Variants in RIN2 observed in about 807,000 individuals in gnomAD.
RIN2 encodes RAB5 interacting protein 2.
RIN2 carries 36 observed loss-of-function variants against 78.0 expected under a neutral mutation model. That is an observed-to-expected ratio of 0.46 (90% CI 0.35 to 0.61). RIN2 has a LOEUF of 0.61. RIN2 is among the 20% of genes least tolerant of loss of function. The probability of loss-of-function intolerance (pLI) is 0.00; values close to 1 mark genes in which losing one functional copy is unlikely to be tolerated. For synonymous variants in RIN2, 466 were observed against 466.8 expected (o/e 1.00, Z 0.02); for missense variants, 1,087 against 1,159.7 (o/e 0.94, Z 0.91).
At position 19,990,134 on chromosome 20, in the gene RIN2, G is replaced by A; in HGVS notation, c.1891G>A (p.Val631Met). 6.2e-7 allele frequency: 1 copy of A among 1,602,408 alleles called. No homozygotes were observed. The highest frequency in any genetic ancestry group is 8.5e-7 in the Non-Finnish European group (1 of 1,174,550). ...GCAACTCAAGGAGAACCTGCAGCTTGTGCGGCAGAGGAATCCGCAGGAGCT... is the reference window on the plus strand; with the variant it reads ...GCAACTCAAGGAGAACCTGCAGCTTATGCGGCAGAGGAATCCGCAGGAGCT... ...WKQLKENLQLVRQRNPQELGV... is the reference protein window; with the variant it reads ...WKQLKENLQLMRQRNPQELGV... Residue 631 changes from valine (V) to methionine (M), a missense_variant, in exon 10 of 13, where the codon GTG becomes ATG. Around this residue, in one of 8 missense-constraint regions of RIN2, gnomAD observed 97 missense variants for 104.8 expected, o/e 0.93. Coordinates refer to ENST00000255006, the MANE Select transcript of RIN2 (RefSeq NM_018993.4).
chr20:19,936,838 TTA>T (rs770474009), intron 4 of RIN2, among the ~76,000 whole-genome samples: 10 of 152,266 alleles, frequency 6.6e-5, no homozygotes, highest in Admixed American at 6.5e-5. Context: ...ATTCATGAAT[TTA>T]TACATTTGCA....
intron 3 of RIN2, among the ~76,000 whole-genome samples, chr20:19,931,065 A>T (rs1021527652): frequency 1.3e-5 from 2 of 152,062 alleles, no homozygotes; most frequent in East Asian, 3.9e-4. Context: ...CCTGCACAAC[A>T]TGGTGAGAAA....
chr20:19,891,082 C>T (rs905469781), intron 3 of RIN2, among the ~76,000 whole-genome samples: 5 of 152,180 alleles, frequency 3.3e-5, no homozygotes, highest in African/African-American at 1.2e-4. Flanking sequence ...GGTTTACAGT[C>T]TTAATTTTCT....
chr20:19,935,815 G>C (rs1568630333), intron 4 of RIN2, among the ~76,000 whole-genome samples: 1 of 150,350 alleles, frequency 6.7e-6, no homozygotes, highest in Non-Finnish European at 1.5e-5. Context: ...CAAAGGTCGG[G>C]GGGTGGTGGG....
At chr20:19,989,575 C>T (rs2042731725) in intron 9 of RIN2, among the ~76,000 whole-genome samples, 1 of 152,092 alleles carries the variant, frequency 6.6e-6, no homozygotes, top group South Asian at 2.1e-4. Flanking sequence ...CACGCCTGGC[C>T]CTCAGAAAAT....
At chr20:19,994,073 G>A (rs1029105183) in intron 11 of RIN2, among the ~76,000 whole-genome samples, 10 of 152,210 alleles carry the variant, frequency 6.6e-5, no homozygotes, top group African/African-American at 2.4e-4. Context: ...ATGACTAATG[G>A]ACAGGTGGCT....
intron 3 of RIN2, among the ~76,000 whole-genome samples, chr20:19,921,857 T>A (rs921573442): frequency 1.3e-5 from 1 of 78,220 alleles, no homozygotes; most frequent in Non-Finnish European, 2.6e-5. Flanking sequence ...CGGTTGTTTG[T>A]TTGTTTGTTT....
intron 3 of RIN2, among the ~76,000 whole-genome samples, chr20:19,905,324 A>C (rs1409412947): frequency 1.3e-5 from 2 of 152,190 alleles, no homozygotes; most frequent in Non-Finnish European, 2.9e-5. Context: ...TCTACCTGAC[A>C]TATGTGGAGT....
chr20:19,921,368 A>C (rs2123798996), intron 3 of RIN2, among the ~76,000 whole-genome samples: 1 of 152,226 alleles, frequency 6.6e-6, no homozygotes, highest in East Asian at 1.9e-4. Flanking sequence ...TTCCCATCCC[A>C]TCCAGCTGAG....
At chr20:19,892,655 G>C (rs972780891) in intron 3 of RIN2, among the ~76,000 whole-genome samples, 2 of 152,318 alleles carry the variant, frequency 1.3e-5, no homozygotes, top group Middle Eastern at 3.4e-3. Flanking sequence ...GGGATTACAG[G>C]CGTGAGCCAC....
intron 2 of RIN2, among the ~76,000 whole-genome samples, chr20:19,846,712 C>A (rs1365442628): frequency 2.6e-5 from 4 of 152,314 alleles, no homozygotes; most frequent in East Asian, 3.9e-4. Flanking sequence ...TGCTTTATTT[C>A]TTTCTCTTGC....
chr20:19,795,554 G>A lies in RIN2; in HGVS notation c.-162-4068G>A, dbSNP rs141880290. ...CCTCTATTTTGCCCGTGAGATAAGG[G>A]TGTCAGAGATCTAAAACAATACAGT... On this transcript the variant is annotated intron_variant, in intron 1 of 12. Transcript: ENST00000255006. Among the ~76,000 whole-genome samples, 13 of 152,214 alleles carry A rather than the reference G, an allele frequency of 8.5e-5. No individual in the cohort carries two copies. In the East Asian group the frequency reaches 2.1e-3, roughly 25 times the overall value.
chr20:19,869,831 T>TATTGATTGATTG (rs1219910035), intron 2 of RIN2, among the ~76,000 whole-genome samples: 1 of 151,250 alleles, frequency 6.6e-6, no homozygotes, highest in African/African-American at 2.4e-5. Context: ...TTTATTTATT[T>TATTGATTGATTG]ATTGTAGAGA....
Position 19,878,702 on chromosome 20 carries a change from C to T in RIN2, c.-36-10864C>T, listed in dbSNP as rs1028761711. On this transcript the variant is annotated intron_variant, in intron 2 of 12. Transcript: ENST00000255006. ...CCACCCAGCATCCTCATGGGTGGCA[C>T]GAAAACCCAGACACAGGCAATGATG... 7.9e-5 allele frequency among the ~76,000 whole-genome samples: 12 copies of T among 152,242 alleles called. No individual in the cohort carries two copies. In the South Asian group the frequency reaches 1.9e-3, roughly 24 times the overall value.
chr20:19,768,583 G>A (rs570067468), intron 1 of RIN2, among the ~76,000 whole-genome samples: 38 of 152,328 alleles, frequency 2.5e-4, no homozygotes, highest in African/African-American at 7.0e-4. Context: ...GGGACAGGGC[G>A]TGGCAGCATT....
intron 2 of RIN2, among the ~76,000 whole-genome samples, chr20:19,869,943 G>A: frequency 6.6e-6 from 1 of 151,974 alleles, no homozygotes; most frequent in East Asian, 1.9e-4. Context: ...CCACCTCACG[G>A]GGCCAAGTTA....
chr20:19,903,076 G>C (rs919308998), intron 3 of RIN2, among the ~76,000 whole-genome samples: 2 of 152,138 alleles, frequency 1.3e-5, no homozygotes, highest in Admixed American at 6.5e-5. Context: ...CTGGGCAACA[G>C]AGCGAGACTC....
chr20:19,885,239 G>C (rs2038144047), intron 2 of RIN2, among the ~76,000 whole-genome samples: 1 of 152,140 alleles, frequency 6.6e-6, no homozygotes, highest in African/African-American at 2.4e-5. Flanking sequence ...AGGAAGCTGG[G>C]GTGGGGGCAA....
intron 3 of RIN2, among the ~76,000 whole-genome samples, chr20:19,932,234 C>T (rs917831852): frequency 3.9e-5 from 6 of 152,154 alleles, no homozygotes; most frequent in African/African-American, 1.2e-4. Context: ...TGAGCTTGGC[C>T]GATTTCCTCT....
Sources: gnomAD v4.1 joint callset for allele counts (sites outside exome capture counted in the v4.1 genomes callset) on GRCh38, gnomAD v4.1.1 for gene constraint, gnomAD v4.1.1 regional missense constraint, MANE v1.5 for transcripts, NCBI Gene and HGNC (gene_info 2026-07-23, HGNC 2026-07-21) for gene names.